Variants in LRRN1 observed in about 807,000 individuals in gnomAD.
LRRN1 encodes the protein leucine-rich repeat neuronal protein 1.
Under a neutral mutation model 45.8 loss-of-function variants are expected in LRRN1, and 14 were observed. The ratio of observed to expected loss-of-function variants is 0.31; its 90% CI spans 0.20 to 0.48. The LOEUF (loss-of-function observed/expected upper bound fraction) is 0.48, where lower values mean the gene tolerates loss of function less well. Among genes scored for constraint, LRRN1 ranks in the 20% least tolerant of loss-of-function variants. The pLI is 0.99. For synonymous variants in LRRN1, 359 were observed against 330.1 expected, an observed-to-expected ratio of 1.09 and a Z score of -0.95; for missense variants, 789 against 874.2, an observed-to-expected ratio of 0.90 and a Z score of 1.23.
chr3:3,825,677 G>T (rs963478587), intron 1 of LRRN1, among the ~76,000 whole-genome samples: 4 of 152,096 alleles, frequency 2.6e-5, no homozygotes, highest in African/African-American at 9.7e-5. Flanking sequence ...GGTCAATTTG[G>T]ATCACCTAGG....
At chr3:3,824,789 A>G (rs923005939) in intron 1 of LRRN1, among the ~76,000 whole-genome samples, 1 of 152,198 alleles carries the variant, frequency 6.6e-6, no homozygotes. Flanking sequence ...TAGACAAAGC[A>G]AAGCAATGTG....
chr3:3,835,456 A>G (rs556321498), intron 1 of LRRN1, among the ~76,000 whole-genome samples: 3 of 152,298 alleles, frequency 2.0e-5, no homozygotes, highest in South Asian at 2.1e-4. Context: ...AAGTTGAACT[A>G]TCGTCAGTTG....
intron 1 of LRRN1, chr3:3,800,878 G>C (rs1692636223): frequency 6.6e-6 from 1 of 152,396 alleles, no homozygotes; most frequent in Non-Finnish European, 1.5e-5. Context: ...TCAGAAGCGA[G>C]GAAAGTTTGC....
At chr3:3,840,150 T>C (rs915405218) in intron 1 of LRRN1, among the ~76,000 whole-genome samples, 1 of 152,146 alleles carries the variant, frequency 6.6e-6, no homozygotes, top group Non-Finnish European at 1.5e-5. Context: ...GGTACTTTCC[T>C]TCCATTCTTC....
At chr3:3,825,857 G>A (rs781086806) in intron 1 of LRRN1, among the ~76,000 whole-genome samples, 4 of 152,156 alleles carry the variant, frequency 2.6e-5, no homozygotes, top group African/African-American at 4.8e-5. Context: ...CACGTATGGA[G>A]TATTTGCCAA....
intron 1 of LRRN1, among the ~76,000 whole-genome samples, chr3:3,836,027 G>A (rs1057276636): frequency 6.6e-6 from 1 of 151,970 alleles, no homozygotes; most frequent in African/African-American, 2.4e-5. Flanking sequence ...GTAATTAGCA[G>A]GACATTTTCT....
At position 3,845,274 on chromosome 3, in the gene LRRN1, C is replaced by T; in HGVS notation, c.633C>T (p.Phe211=). 1 of 1,614,164 alleles carries T rather than the reference C, an allele frequency of 6.2e-7. No homozygotes were observed. Among genetic ancestry groups the T allele is most frequent in the Non-Finnish European group, 8.5e-7 (1 of 1,180,034 alleles). The change falls in exon 2 of 2, where the codon TTC becomes TTT. Residue 211 remains phenylalanine (F), a synonymous_variant. Coordinates refer to ENST00000319331, the MANE Select transcript of LRRN1 (RefSeq NM_020873.7). This position sits in a 1 kb window ranked among gnomAD's most constrained non-coding sequence, Gnocchi z 6.5. ...TGATTGGAATTCTGGATATGAACTTCAAACCCCTCGCAAATTTGAGAAGCT... is the reference window on the plus strand; with the variant it reads ...TGATTGGAATTCTGGATATGAACTTTAAACCCCTCGCAAATTTGAGAAGCT... ...NPVIGILDMN[F]KPLANLRSLV...
At position 3,834,583 on chromosome 3, in the gene LRRN1, T is replaced by C. The variant is rs566159240; in HGVS notation, c.-278-9781T>C. ...TATATATTATTATACATATTATATA[T>C]CATATTTTATATACATTATATATAT... On this transcript the variant is annotated intron_variant, in intron 1 of 1. Coordinates refer to ENST00000319331, the MANE Select transcript of LRRN1 (RefSeq NM_020873.7). Among the ~76,000 whole-genome samples, 157 of 123,666 alleles carry C rather than the reference T, an allele frequency of 1.3e-3. 4 individuals are homozygous for C. The highest frequency in any genetic ancestry group is 4.1e-3 in the Middle Eastern group (1 of 242). 81.1% of individuals were successfully genotyped at this position (123,666 alleles called of 152,430 possible).
intron 1 of LRRN1, among the ~76,000 whole-genome samples, chr3:3,822,189 G>T (rs1459906690): frequency 6.6e-6 from 1 of 152,066 alleles, no homozygotes; most frequent in African/African-American, 2.4e-5. Context: ...ACCTCATAGC[G>T]TTGCAAGCAT....
Position 3,844,695 on chromosome 3 carries a change from A to C in LRRN1, c.54A>C (p.Leu18=). ...IAACQLVLGL[L]MTSLTESSIQ... ...CTTGCCAATTGGTGCTGGGCCTACT[A>C]ATGACTTCATTAACCGAGTCTTCCA... Residue 18 remains leucine, a synonymous_variant, in exon 2 of 2, where the codon CTA becomes CTC. Transcript: ENST00000319331. The C allele has an allele frequency of 6.2e-7, 1 of 1,614,092 alleles. No individual in the cohort carries two copies. Among genetic ancestry groups the C allele is most frequent in the Non-Finnish European group, 8.5e-7 (1 of 1,179,978 alleles).
chr3:3,836,688 G>A (rs1361277661), intron 1 of LRRN1, among the ~76,000 whole-genome samples: 1 of 152,126 alleles, frequency 6.6e-6, no homozygotes, highest in Non-Finnish European at 1.5e-5. Flanking sequence ...CACATAGGAA[G>A]CAATAGCATG....
rs1693858338 is a variant in LRRN1 at position 3,849,753 on chromosome 3, T to G, written c.*2961T>G. ...TGGATATAAAAACAAATGTAATGTT[T>G]GATTGTCAGTGTTTCTGATTTGGCA... On this transcript the variant is annotated 3_prime_UTR_variant, in exon 2 of 2. Transcript: ENST00000319331. 6.6e-6 allele frequency among the ~76,000 whole-genome samples: 1 copy of G among 152,216 alleles called. No homozygotes were observed. Among genetic ancestry groups the G allele is most frequent in the African/African-American group, 2.4e-5 (1 of 41,458 alleles).
At chr3:3,811,115 A>G (rs1453996384) in intron 1 of LRRN1, among the ~76,000 whole-genome samples, 1 of 152,172 alleles carries the variant, frequency 6.6e-6, no homozygotes, top group Non-Finnish European at 1.5e-5. Context: ...AAGTGTGCTG[A>G]GAGGAACACA....
intron 1 of LRRN1, among the ~76,000 whole-genome samples, chr3:3,817,229 C>T (rs1191149039): frequency 1.3e-5 from 2 of 152,166 alleles, no homozygotes; most frequent in Admixed American, 6.5e-5. Flanking sequence ...AGCAGGCACA[C>T]CTCTACTTCA....
intron 1 of LRRN1, among the ~76,000 whole-genome samples, chr3:3,837,833 A>T (rs1261703972): frequency 6.6e-6 from 1 of 151,528 alleles, no homozygotes; most frequent in Non-Finnish European, 1.5e-5. Flanking sequence ...CCCATCACCT[A>T]TGTATTAAGC....
At chr3:3,805,361 A>G (rs12634196) in intron 1 of LRRN1, among the ~76,000 whole-genome samples, 6,606 of 152,320 alleles carry the variant, frequency 0.043, 247 homozygotes, top group East Asian at 0.15. Flanking sequence ...TTATTTCACA[A>G]TAGTGATAAG....
At chr3:3,827,339 T>C (rs561984689) in intron 1 of LRRN1, 17 of 393,230 alleles carry the variant, frequency 4.3e-5, no homozygotes, top group African/African-American at 3.1e-4. Context: ...CTGAAAGCCC[T>C]TGTTAAGTAT....
rs556235567 is a variant in LRRN1 at position 3,841,216 on chromosome 3, G to T, written c.-278-3148G>T. On this transcript the variant is annotated intron_variant, in intron 1 of 1. Transcript: ENST00000319331. Reference sequence around the variant, plus strand: ...TAAGGCAGGAGAATTGCTTAAACCCGGGAGGCAGAGGTTGCAGTGAGCCGA... The same window carrying T: ...TAAGGCAGGAGAATTGCTTAAACCCTGGAGGCAGAGGTTGCAGTGAGCCGA... 7.3e-4 allele frequency among the ~76,000 whole-genome samples: 110 copies of T among 150,854 alleles called. 1 individual carries two copies. The highest frequency in any genetic ancestry group is 2.5e-3 in the African/African-American group (104 of 41,072).
intron 1 of LRRN1, among the ~76,000 whole-genome samples, chr3:3,831,476 T>C (rs919412840): frequency 9.2e-5 from 14 of 152,306 alleles, no homozygotes; most frequent in East Asian, 1.9e-4. Flanking sequence ...TAATGGACCA[T>C]TGTGATATTT....
Sources: allele counts gnomAD v4.1 joint callset (sites outside exome capture counted in the v4.1 genomes callset), GRCh38; gene constraint gnomAD v4.1.1; non-coding constraint Gnocchi (gnomAD v3.1); transcripts MANE v1.5; gene names NCBI Gene and HGNC (gene_info 2026-07-23, HGNC 2026-07-21).